CHM: variants seen among roughly 807,000 people sequenced by gnomAD.
The protein encoded by CHM is rab proteins geranylgeranyltransferase component A 1.
Under a neutral mutation model 49.0 loss-of-function variants are expected in CHM, and 10 were observed. The observed-to-expected ratio is 0.20, with a 90% CI of 0.13 to 0.35. CHM has a LOEUF of 0.35. CHM is among the 10% of genes least tolerant of loss of function. The pLI is 1.00. For missense variants in CHM, 455 were observed against 478.4 expected (o/e 0.95, Z 0.46); for synonymous variants, 184 against 167.5 (o/e 1.10, Z -0.76).
intron 14 of CHM, among the ~76,000 whole-genome samples, chrX:85,869,233 A>AAATACTTTTAGTC (rs1923897193): frequency 1.8e-5 from 2 of 111,911 alleles, no homozygotes; most frequent in South Asian, 7.4e-4. Flanking sequence ...CCAGGATGAC[A>AAATACTTTTAGTC]AATACTTTTA....
intron 8 of CHM, among the ~76,000 whole-genome samples, chrX:85,916,819 A>T (rs912339752): frequency 9.8e-5 from 11 of 112,311 alleles, no homozygotes; most frequent in African/African-American, 3.2e-4. Flanking sequence ...GTTGTGGTGA[A>T]AAAGGAATGC....
At chrX:85,866,459 C>A (rs902791119) in intron 14 of CHM, among the ~76,000 whole-genome samples, 2 of 112,780 alleles carry the variant, frequency 1.8e-5, no homozygotes, top group Non-Finnish European at 3.8e-5. Flanking sequence ...GTAGAGCCCT[C>A]ATGGAGAACC....
intron 4 of CHM, among the ~76,000 whole-genome samples, chrX:85,978,304 A>T (rs1206298388): frequency 9.0e-6 from 1 of 111,718 alleles, no homozygotes; most frequent in Non-Finnish European, 1.9e-5. Context: ...ACTGAGTATT[A>T]TCTAAGAAAG....
At chrX:85,986,961 A>G (rs759389732) in intron 2 of CHM, among the ~76,000 whole-genome samples, 2 of 98,221 alleles carry the variant, frequency 2.0e-5, no homozygotes, top group East Asian at 5.8e-4. Flanking sequence ...AAACAGCTGG[A>G]AAAAAAAAAA....
chrX:85,997,232 T>C (rs1000683085), intron 2 of CHM, among the ~76,000 whole-genome samples: 1 of 111,355 alleles, frequency 9.0e-6, no homozygotes, highest in African/African-American at 3.3e-5. Flanking sequence ...GATGCCCCTA[T>C]TATTCTTTAG....
intron 9 of CHM, among the ~76,000 whole-genome samples, chrX:85,906,852 A>G (rs1266621148): frequency 8.9e-6 from 1 of 112,326 alleles, no homozygotes; most frequent in Non-Finnish European, 1.9e-5. Flanking sequence ...AGGCATAGAC[A>G]GCCGGACGTG....
chrX:86,029,065 G>A (rs777858918), intron 1 of CHM, among the ~76,000 whole-genome samples: 1 of 112,042 alleles, frequency 8.9e-6, no homozygotes, highest in Non-Finnish European at 1.9e-5. Context: ...AACATTTTGT[G>A]GGAATATAAT....
intron 2 of CHM, among the ~76,000 whole-genome samples, chrX:86,018,929 T>C (rs1467518415): frequency 4.5e-5 from 5 of 111,996 alleles, no homozygotes; most frequent in Non-Finnish European, 9.4e-5. Flanking sequence ...AAAGGCAACA[T>C]GAGAGATCCT....
At chrX:85,966,455 A>G (rs1930590328) in intron 4 of CHM, among the ~76,000 whole-genome samples, 1 of 111,722 alleles carries the variant, frequency 9.0e-6, no homozygotes, top group Admixed American at 9.5e-5. Flanking sequence ...TTCACATGAC[A>G]AAAGCCCATT....
rs1192192020 is a variant in CHM, at chrX:85,958,944, G to T, written c.736C>A (p.Leu246Ile). ...LYSRGLLIDLLIKSNVSRYAE... is the reference protein window; with the variant it reads ...LYSRGLLIDLIIKSNVSRYAE... ...TATCGACTAACATTAGATTTGATTA[G>T]AAGATCAATTAGTAATCCTCGAGAA... is the stretch of plus-strand genomic sequence containing the variant. The change falls in exon 6 of 15, where the codon CTA becomes ATA. Residue 246 changes from leucine to isoleucine, a missense_variant. By Grantham distance (5) the Leu-to-Ile change is conservative (BLOSUM62 2). Coordinates refer to ENST00000357749, the MANE Select transcript of CHM (RefSeq NM_000390.4). 8.3e-7 allele frequency: 1 copy of T among 1,210,934 alleles called. No individual in the cohort carries two copies. Among genetic ancestry groups the T allele is most frequent in the South Asian group, 1.8e-5 (1 of 56,928 alleles).
intron 4 of CHM, among the ~76,000 whole-genome samples, chrX:85,968,362 A>G (rs1930688094): frequency 8.9e-6 from 1 of 112,189 alleles, no homozygotes. Flanking sequence ...TGTCATGTTT[A>G]CCCAAGAACA....
At position 85,937,772 on chromosome X, in the gene CHM, A is replaced by C. The variant is rs1317759952; in HGVS notation, c.1166+18381T>G. Among the ~76,000 whole-genome samples, 5 of 106,966 alleles carry C rather than the reference A, an allele frequency of 4.7e-5. No homozygotes were observed. The East Asian group carries it at 1.5e-3, about 32-fold the overall frequency. 92.9% of individuals were successfully genotyped at this position (106,966 alleles called of 115,157 possible). On this transcript the variant is annotated intron_variant, in intron 8 of 14. Transcript: ENST00000357749. ...GGCAGGAGAATCAGTTGAATCCCTG[A>C]GGCAGAGGTTGCAGTGAGTCGAGAT...
chrX:85,893,709 T>C (rs1490149984), intron 12 of CHM, among the ~76,000 whole-genome samples: 1 of 111,182 alleles, frequency 9.0e-6, no homozygotes, highest in Non-Finnish European at 1.9e-5. Flanking sequence ...AAGGTGCCAC[T>C]TATGAGGAAA....
intron 12 of CHM, among the ~76,000 whole-genome samples, chrX:85,881,740 A>G (rs1924773521): frequency 8.9e-6 from 1 of 111,980 alleles, no homozygotes; most frequent in African/African-American, 3.2e-5. Context: ...TTCACAAGTT[A>G]TATCACCTAC....
intron 8 of CHM, 113 bp downstream of exon 8, chrX:85,956,040 T>C (rs1929989883): frequency 1.7e-6 from 1 of 578,592 alleles, no homozygotes; most frequent in African/African-American, 2.3e-5. Context: ...TAGAATAAAG[T>C]ATATATTTGC....
chrX:85,897,306 CGTGTGTGTGTGTGTGT>C (rs533191230), intron 11 of CHM, among the ~76,000 whole-genome samples: 1 of 76,525 alleles, frequency 1.3e-5, no homozygotes. Context: ...CTTGTGTGTG[CGTGTGTGTGTGTGTGT>C]GTGTGTGTGT....
chrX:85,972,462 A>G (rs1930986975), intron 4 of CHM, among the ~76,000 whole-genome samples: 1 of 112,865 alleles, frequency 8.9e-6, no homozygotes. Flanking sequence ...GTGGCGGGGG[A>G]AGGCTCAGGC....
chrX:85,912,621 A>G (rs996381986), intron 8 of CHM, among the ~76,000 whole-genome samples: 6 of 111,548 alleles, frequency 5.4e-5, no homozygotes, highest in Admixed American at 9.5e-5. Context: ...ATATATTACC[A>G]TATCTGGCAA....
chrX:85,957,834 A>C, intron 7 of CHM, 21 bp downstream of exon 7: 1 of 1,194,251 alleles, frequency 8.4e-7, no homozygotes, highest in Middle Eastern at 3.1e-4. Flanking sequence ...ATTGGAGAGC[A>C]CTACTTAATG....
Sources: gnomAD v4.1 joint callset for allele counts (sites outside exome capture counted in the v4.1 genomes callset) on GRCh38, gnomAD v4.1.1 for gene constraint, MANE v1.5 for transcripts, NCBI Gene and HGNC (gene_info 2026-07-23, HGNC 2026-07-21) for gene names.